CCDC192: variants seen among roughly 807,000 people sequenced by gnomAD.
The protein encoded by CCDC192 is coiled-coil domain-containing protein 192.
intron 5 of CCDC192, among the ~76,000 whole-genome samples, chr5:127,803,106 A>G (rs1340616343): frequency 6.6e-6 from 1 of 152,178 alleles, no homozygotes; most frequent in East Asian, 1.9e-4. Flanking sequence ...AAAATTAACA[A>G]CGTAATGTCT....
At chr5:127,941,059 T>C (rs906084456) in intron 6 of CCDC192, 123 bp from the exon 7 acceptor site, 2 of 397,236 alleles carry the variant, frequency 5.0e-6, no homozygotes, top group African/African-American at 4.1e-5. Context: ...TCTAACCAGA[T>C]GATGCAACAT....
intron 5 of CCDC192, among the ~76,000 whole-genome samples, chr5:127,822,448 T>C (rs1749335238): frequency 2.0e-5 from 3 of 152,184 alleles, no homozygotes; most frequent in Admixed American, 2.0e-4. Flanking sequence ...AAAGAACTTA[T>C]GTCCTAGTGG....
chr5:127,838,111 T>TTTGAGA (rs1750113482), intron 5 of CCDC192, among the ~76,000 whole-genome samples: 1 of 152,202 alleles, frequency 6.6e-6, no homozygotes, highest in Non-Finnish European at 1.5e-5. Flanking sequence ...CCCGCATGGG[T>TTTGAGA]AAGCAATCCT....
At chr5:127,777,653 A>T (rs921819097) in intron 3 of CCDC192, among the ~76,000 whole-genome samples, 1 of 152,186 alleles carries the variant, frequency 6.6e-6, no homozygotes, top group African/African-American at 2.4e-5. Context: ...AACTCCTGTA[A>T]GTCCCACATG....
chr5:127,897,072 T>A (rs1009442323), intron 6 of CCDC192, among the ~76,000 whole-genome samples: 7 of 149,798 alleles, frequency 4.7e-5, no homozygotes, highest in South Asian at 2.1e-4. Flanking sequence ...TTTTTTTTTT[T>A]AAAGGTTTTA....
intron 6 of CCDC192, among the ~76,000 whole-genome samples, chr5:127,923,212 T>A (rs1753771313): frequency 6.6e-6 from 1 of 152,132 alleles, no homozygotes; most frequent in Non-Finnish European, 1.5e-5. Flanking sequence ...TTATTGAAAT[T>A]TGGTATAAAG....
intron 3 of CCDC192, among the ~76,000 whole-genome samples, chr5:127,764,760 A>T (rs953589976): frequency 3.9e-5 from 6 of 151,928 alleles, no homozygotes; most frequent in African/African-American, 1.5e-4. Context: ...TTCACAAAAA[A>T]CCTCATACTG....
rs1200781168 is a variant in CCDC192 at position 127,707,743 on chromosome 5, C to A, written c.97C>A (p.Gln33Lys). ...TGGAAGTTCAGAGTCAGATATACCA[C>A]AAGAAAACAAAGTATCGGTAAGAAA... Reference protein sequence around the residue: ...TSGSSESDIPQENKVSKASLD... With the variant: ...TSGSSESDIPKENKVSKASLD... The change falls in exon 2 of 7, where the codon CAA becomes AAA. Residue 33 changes from glutamine to lysine, a missense_variant. Coordinates refer to ENST00000514853, the MANE Select transcript of CCDC192 (RefSeq NM_001317938.2). 6 of 398,026 alleles carry A rather than the reference C, an allele frequency of 1.5e-5. No homozygotes were observed. The highest frequency in any genetic ancestry group is 4.4e-6 in the Non-Finnish European group (1 of 225,784). The allele number at this position is 398,026 out of a possible 1,614,324, so 24.7% of individuals were successfully genotyped here. A position where few individuals can be genotyped will look rare whatever the true frequency, so the allele number is the denominator to read the frequency against.
intron 2 of CCDC192, among the ~76,000 whole-genome samples, chr5:127,750,685 CGTT>C (rs1754099990): frequency 7.5e-6 from 1 of 133,910 alleles, no homozygotes; most frequent in Non-Finnish European, 1.6e-5. Context: ...CTTTCTGTCT[CGTT>C]GATCTGTCTA....
chr5:127,767,993 C>T (rs1378503263), intron 3 of CCDC192, among the ~76,000 whole-genome samples: 1 of 152,140 alleles, frequency 6.6e-6, no homozygotes, highest in Non-Finnish European at 1.5e-5. Flanking sequence ...GTGGCTCACT[C>T]CTGTAATCCC....
chr5:127,767,030 G>A (rs560384185), intron 3 of CCDC192, among the ~76,000 whole-genome samples: 44 of 152,312 alleles, frequency 2.9e-4, no homozygotes, highest in Admixed American at 9.2e-4. Context: ...ATAAGGCCTT[G>A]AGAGAAAGGG....
At chr5:127,813,975 C>T (rs1407239970) in intron 5 of CCDC192, among the ~76,000 whole-genome samples, 1 of 152,190 alleles carries the variant, frequency 6.6e-6, no homozygotes, top group African/African-American at 2.4e-5. Flanking sequence ...ATTCATTCTT[C>T]AACTATTTTT....
At chr5:127,703,611 A>T in intron 1 of CCDC192, 104 bp downstream of exon 1, 1 of 391,344 alleles carries the variant, frequency 2.6e-6, no homozygotes, top group Middle Eastern at 6.4e-4. Context: ...AAGTCTGGGG[A>T]ATAACAGCAG....
chr5:127,835,356 A>C (rs1338651502), intron 5 of CCDC192, among the ~76,000 whole-genome samples: 2 of 152,210 alleles, frequency 1.3e-5, no homozygotes, highest in Non-Finnish European at 2.9e-5. Flanking sequence ...TTTTCTCAGC[A>C]TGTTCCTTTT....
At chr5:127,871,982 C>T (rs976281980) in intron 5 of CCDC192, among the ~76,000 whole-genome samples, 1 of 152,182 alleles carries the variant, frequency 6.6e-6, no homozygotes, top group African/African-American at 2.4e-5. Flanking sequence ...TCAAGTATGA[C>T]ATTTGGGTTG....
At chr5:127,881,816 A>C (rs1310204830) in intron 6 of CCDC192, among the ~76,000 whole-genome samples, 1 of 152,144 alleles carries the variant, frequency 6.6e-6, no homozygotes, top group Non-Finnish European at 1.5e-5. Context: ...TCATTTCCAC[A>C]CCTGAAATGC....
rs186107050 is a variant in CCDC192, at chr5:127,898,068, C to A, written c.535+22407C>A. ...ATATTTAACGGGGCCTGAAAGAGAC[C>A]TAGTATATTTAATGGGGCCTGAAAG... On this transcript the variant is annotated intron_variant, in intron 6 of 6. Transcript: ENST00000514853. Among the ~76,000 whole-genome samples, 135 of 150,584 alleles carry A rather than the reference C, an allele frequency of 9.0e-4. 1 individual carries two copies. Among genetic ancestry groups the A allele is most frequent in the African/African-American group, 3.2e-3 (132 of 41,046 alleles).
chr5:127,922,425 T>G (rs1204604428), intron 6 of CCDC192, among the ~76,000 whole-genome samples: 1 of 152,212 alleles, frequency 6.6e-6, no homozygotes, highest in African/African-American at 2.4e-5. Context: ...TCGCAATGCT[T>G]AAGTACATTG....
At chr5:127,867,236 C>T (rs1054995047) in intron 5 of CCDC192, among the ~76,000 whole-genome samples, 3 of 152,190 alleles carry the variant, frequency 2.0e-5, no homozygotes, top group African/African-American at 4.8e-5. Context: ...CCAGATAAGT[C>T]ACAGATGGCC....
Sources: allele counts gnomAD v4.1 joint callset (sites outside exome capture counted in the v4.1 genomes callset), GRCh38; gene constraint gnomAD v4.1.1; transcripts MANE v1.5; gene names NCBI Gene and HGNC (gene_info 2026-07-23, HGNC 2026-07-21).